The following MEGF11 variants were observed in gnomAD, a reference collection of about 807,000 sequenced individuals.
MEGF11 encodes the protein multiple epidermal growth factor-like domains protein 11.
MEGF11 carries 126 observed loss-of-function variants against 146.6 expected under a neutral mutation model. The observed-to-expected ratio is 0.86, with a 90% confidence interval of 0.74 to 1.00. The LOEUF (loss-of-function observed/expected upper bound fraction) is 1.00, where lower values mean the gene tolerates loss of function less well. Among genes scored for constraint, MEGF11 ranks in the 50% least tolerant of loss-of-function variants. The pLI, the probability that MEGF11 is intolerant of heterozygous loss-of-function variation, is 0.00. For synonymous variants in MEGF11, 532 were observed against 583.4 expected, an observed-to-expected ratio of 0.91 and a Z score of 1.27; for missense variants, 1,509 against 1,521.2, an observed-to-expected ratio of 0.99 and a Z score of 0.13.
chr15:66,029,099 G>T (rs577702466), intron 5 of MEGF11, among the ~76,000 whole-genome samples: 21 of 152,272 alleles, frequency 1.4e-4, no homozygotes, highest in African/African-American at 4.6e-4. Flanking sequence ...ATGAACAGTT[G>T]GATTCTGGAT....
intron 2 of MEGF11, among the ~76,000 whole-genome samples, chr15:66,128,035 T>G (rs2088457478): frequency 6.6e-6 from 1 of 152,204 alleles, no homozygotes; most frequent in African/African-American, 2.4e-5. Context: ...TGTCTCTACT[T>G]TCTCATCTGT....
intron 1 of MEGF11, among the ~76,000 whole-genome samples, chr15:66,221,783 G>C (rs1251856783): frequency 1.3e-5 from 2 of 151,956 alleles, no homozygotes; most frequent in East Asian, 3.8e-4. Context: ...TTAAACTTTG[G>C]GGTAAAATTC....
At chr15:66,202,022 T>C (rs902387115) in intron 1 of MEGF11, among the ~76,000 whole-genome samples, 57 of 149,830 alleles carry the variant, frequency 3.8e-4, no homozygotes, top group African/African-American at 1.3e-3. Flanking sequence ...GGGGTGGCTT[T>C]CTCCAGTGTC....
chr15:66,021,797 G>A (rs1172454705), intron 5 of MEGF11, among the ~76,000 whole-genome samples: 1 of 152,224 alleles, frequency 6.6e-6, no homozygotes, highest in Non-Finnish European at 1.5e-5. Context: ...AGAGAGCAGG[G>A]GGAACACTGG....
At chr15:66,135,316 C>T (rs1027189720) in intron 1 of MEGF11, among the ~76,000 whole-genome samples, 31 of 152,170 alleles carry the variant, frequency 2.0e-4, no homozygotes, top group Admixed American at 6.5e-5. Context: ...TTTTGGGAGA[C>T]CCCTGGATCA....
At chr15:65,924,695 C>T (rs866678686) in intron 13 of MEGF11, among the ~76,000 whole-genome samples, 3 of 134,770 alleles carry the variant, frequency 2.2e-5, no homozygotes, top group Non-Finnish European at 4.6e-5. Context: ...GTGGTGTGAT[C>T]TTGGCTCATG....
chr15:66,025,735 C>A (rs2083306088), intron 5 of MEGF11, among the ~76,000 whole-genome samples: 1 of 152,116 alleles, frequency 6.6e-6, no homozygotes, highest in African/African-American at 2.4e-5. Flanking sequence ...TTTGTTCAGC[C>A]CCCCGCCGAG....
chr15:65,940,552 A>G (rs542082078), intron 10 of MEGF11, among the ~76,000 whole-genome samples: 6 of 152,388 alleles, frequency 3.9e-5, no homozygotes, highest in African/African-American at 1.2e-4. Flanking sequence ...AACGCAGAGC[A>G]AACCTCGCTG....
intron 10 of MEGF11, among the ~76,000 whole-genome samples, chr15:65,953,889 G>T (rs535801682): frequency 2.6e-5 from 4 of 152,042 alleles, no homozygotes; most frequent in African/African-American, 9.7e-5. Context: ...CACTCCTCAC[G>T]TTTATGTTGA....
intron 1 of MEGF11, among the ~76,000 whole-genome samples, chr15:66,164,208 T>C (rs1384547565): frequency 6.6e-6 from 1 of 152,052 alleles, no homozygotes; most frequent in African/African-American, 2.4e-5. Context: ...CTTCTATTAG[T>C]GGCAGAGAGG....
At chr15:66,090,634 C>G (rs956287199) in intron 5 of MEGF11, among the ~76,000 whole-genome samples, 8 of 152,184 alleles carry the variant, frequency 5.3e-5, no homozygotes, top group South Asian at 2.1e-4. Flanking sequence ...AATTCTGAAG[C>G]CAGCAGGCCC....
intron 5 of MEGF11, among the ~76,000 whole-genome samples, chr15:66,072,199 G>A (rs761318849): frequency 2.0e-5 from 3 of 152,146 alleles, no homozygotes; most frequent in Admixed American, 6.5e-5. Flanking sequence ...TGCAGAGCCT[G>A]GCAATTGTCC....
intron 5 of MEGF11, among the ~76,000 whole-genome samples, chr15:66,008,618 G>T (rs944523395): frequency 6.6e-6 from 1 of 152,050 alleles, no homozygotes; most frequent in Admixed American, 6.6e-5. Flanking sequence ...GAGCCCAAGA[G>T]TTCCAGACCA....
chr15:65,903,758 T>C (rs2078552019), intron 24 of MEGF11, among the ~76,000 whole-genome samples: 1 of 152,242 alleles, frequency 6.6e-6, no homozygotes, highest in Non-Finnish European at 1.5e-5. Flanking sequence ...TTATTAAGTG[T>C]TTATTTCGGG....
At chr15:65,928,054 C>A (rs912985915) in intron 13 of MEGF11, among the ~76,000 whole-genome samples, 10 of 152,110 alleles carry the variant, frequency 6.6e-5, no homozygotes, top group African/African-American at 2.2e-4. Context: ...ATGGATTCAC[C>A]TTGTATTTAG....
intron 9 of MEGF11, among the ~76,000 whole-genome samples, chr15:65,961,063 G>C (rs1202620998): frequency 6.6e-6 from 1 of 152,130 alleles, no homozygotes; most frequent in Non-Finnish European, 1.5e-5. Context: ...TTGAAAAGAG[G>C]ATGGAGAGTG....
chr15:66,241,687 T>C (rs1269954301), intron 1 of MEGF11, among the ~76,000 whole-genome samples: 1 of 152,054 alleles, frequency 6.6e-6, no homozygotes, highest in Non-Finnish European at 1.5e-5. Flanking sequence ...GCTTCCTGAA[T>C]CCCTGGAGAT....
rs1034536154 is a variant in MEGF11 at position 65,912,180 on chromosome 15, G to A, written c.2731C>T (p.His911Tyr). The change falls in exon 21 of 26, where the codon CAT becomes TAT. Residue 911 changes from histidine to tyrosine, a missense_variant. By Grantham distance (83) the His-to-Tyr change is moderately conservative. Coordinates refer to ENST00000395614, the MANE Select transcript of MEGF11 (RefSeq NM_001385028.1). ...CTGGAATTGGAAAAGCAGTGGGCAT[G>A]GCTGCTACTTTGAGACAAATCTGGG... ...SLSDLSQSSS[H>Y]AHCFSNSSYH... is the part of the protein sequence containing the mutation. The A allele has an allele frequency of 8.1e-7, 1 of 1,232,502 alleles. No homozygotes were observed. Among genetic ancestry groups the A allele is most frequent in the Admixed American group, 4.2e-5 (1 of 23,712 alleles). 76.3% of individuals were successfully genotyped at this position (1,232,502 alleles called of 1,614,324 possible).
At chr15:66,126,533 T>C (rs2088356847) in intron 2 of MEGF11, among the ~76,000 whole-genome samples, 1 of 152,182 alleles carries the variant, frequency 6.6e-6, no homozygotes, top group Non-Finnish European at 1.5e-5. Context: ...TGAGTACAAA[T>C]GGGGCTCAGA....
Sources: allele counts gnomAD v4.1 joint callset (sites outside exome capture counted in the v4.1 genomes callset), GRCh38; gene constraint gnomAD v4.1.1; transcripts MANE v1.5; gene names NCBI Gene and HGNC (gene_info 2026-07-23, HGNC 2026-07-21).